CPEB4: variants seen among roughly 807,000 people sequenced by gnomAD.
The protein encoded by CPEB4 is cytoplasmic polyadenylation element binding protein 4.
Under a neutral mutation model 72.5 loss-of-function variants are expected in CPEB4, and 12 were observed. That is an observed-to-expected ratio of 0.17 (90% CI 0.11 to 0.27). The LOEUF (loss-of-function observed/expected upper bound fraction) is 0.27. Ranked by LOEUF, CPEB4 falls within the 10% of genes least tolerant of loss-of-function variation. CPEB4 has a pLI of 1.00. For missense variants in CPEB4, 614 were observed against 908.5 expected (o/e 0.68, Z 4.17); for synonymous variants, 302 against 326.3 (o/e 0.93, Z 0.80).
intron 2 of CPEB4, 115 bp from the exon 3 acceptor site, chr5:173,932,335 C>G (rs1034483821): frequency 6.0e-6 from 4 of 667,542 alleles, no homozygotes; most frequent in Non-Finnish European, 7.6e-6. Flanking sequence ...TTGATATATC[C>G]TCTGATTCAA....
At chr5:173,951,450 C>T (rs546950380) in intron 7 of CPEB4, among the ~76,000 whole-genome samples, 1 of 152,244 alleles carries the variant, frequency 6.6e-6, no homozygotes, top group East Asian at 1.9e-4. Context: ...TTCTTGTTTA[C>T]TTAGTATTGT....
intron 2 of CPEB4, among the ~76,000 whole-genome samples, chr5:173,924,300 T>A (rs1275522791): frequency 6.6e-6 from 1 of 152,240 alleles, no homozygotes; most frequent in Non-Finnish European, 1.5e-5. Flanking sequence ...AAAATTATTA[T>A]GTATCTTTGC....
rs1466318069 is a variant in CPEB4, at chr5:173,953,270, C to T, written c.1960C>T (p.Arg654Trp). The T allele has an allele frequency of 1.9e-6, 3 of 1,579,610 alleles. No individual in the cohort carries two copies. The highest frequency in any genetic ancestry group is 2.6e-6 in the Non-Finnish European group (3 of 1,160,798). ...GCTGCAGCATGGAGAGATAGATAAA[C>T]GGGTAAGCCTTATACTACATTTTGG... Reference protein sequence around the residue: ...VQLQHGEIDKRVEVKPYVLDD... With the variant: ...VQLQHGEIDKWVEVKPYVLDD... The change falls in exon 9 of 10, where the codon CGG becomes TGG. Residue 654 changes from arginine (R) to tryptophan (W), a missense_variant and splice_region_variant. Arg to Trp is a moderately radical substitution (Grantham distance 101). Transcript: ENST00000265085.
chr5:173,932,647 TA>T, intron 3 of CPEB4, 147 bp downstream of exon 3: 1 of 595,680 alleles, frequency 1.7e-6, no homozygotes, highest in Non-Finnish European at 2.8e-6. Context: ...ATGATTCTTT[TA>T]GCTCACAATT....
intron 1 of CPEB4, among the ~76,000 whole-genome samples, chr5:173,892,620 T>TCA (rs1755852211): frequency 6.6e-6 from 1 of 152,236 alleles, no homozygotes; most frequent in Non-Finnish European, 1.5e-5. Context: ...ACAGTGAATT[T>TCA]ATGTGGCCTC....
intron 2 of CPEB4, among the ~76,000 whole-genome samples, chr5:173,924,965 G>T (rs778709215): frequency 1.3e-5 from 2 of 152,200 alleles, no homozygotes; most frequent in South Asian, 4.1e-4. Flanking sequence ...AGTACAGAGG[G>T]TTATCTGAAT....
At chr5:173,945,265 GTCCTATCC>G in intron 5 of CPEB4, 125 bp downstream of exon 5, 1 of 752,906 alleles carries the variant, frequency 1.3e-6, no homozygotes, top group Non-Finnish European at 2.1e-6. Flanking sequence ...TTGTTCTCTT[GTCCTATCC>G]TCCTATCATG....
Position 173,888,418 on chromosome 5 carries a change from GC to G in CPEB4, c.-1315del. ...ACCCGGGCACCGGGAGGCGGTGGCG[GC>G]GGCGGCGGCGGCAGCAGCGGCGACA... On this transcript the variant is annotated 5_prime_UTR_variant, in exon 1 of 10. Transcript: ENST00000265085. The surrounding 1 kb of genome is among the most constrained non-coding windows in gnomAD (Gnocchi z 4.3). 1 of 459,448 alleles carries G rather than the reference GC, an allele frequency of 2.2e-6. No individual in the cohort carries two copies. Among genetic ancestry groups the G allele is most frequent in the African/African-American group, 2.0e-5 (1 of 49,208 alleles). The allele number at this position is 459,448 out of a possible 1,614,324, so 28.5% of individuals were successfully genotyped here. A position where few individuals can be genotyped will look rare whatever the true frequency, so the allele number is the denominator to read the frequency against.
intron 2 of CPEB4, among the ~76,000 whole-genome samples, chr5:173,931,655 G>A (rs566067515): frequency 3.9e-5 from 6 of 152,154 alleles, no homozygotes; most frequent in African/African-American, 1.4e-4. Flanking sequence ...TGTGTACTCA[G>A]TAAGGATTTG....
chr5:173,902,805 T>A (rs1561607590), intron 1 of CPEB4, among the ~76,000 whole-genome samples: 1 of 152,188 alleles, frequency 6.6e-6, no homozygotes. Context: ...GTTACTAATA[T>A]TTTCTGCTTA....
intron 2 of CPEB4, among the ~76,000 whole-genome samples, chr5:173,925,421 G>A (rs867128754): frequency 6.6e-6 from 1 of 152,284 alleles, no homozygotes; most frequent in South Asian, 2.1e-4. Context: ...GAAGTTGGTT[G>A]TAGCACAGAT....
intron 2 of CPEB4, among the ~76,000 whole-genome samples, chr5:173,912,715 C>T (rs1756706023): frequency 6.7e-6 from 1 of 149,082 alleles, no homozygotes; most frequent in Non-Finnish European, 1.5e-5. Context: ...TAGAGGATGG[C>T]TGGAGCCCAG....
At chr5:173,939,753 C>CTT (rs11292869) in intron 3 of CPEB4, among the ~76,000 whole-genome samples, 5 of 144,886 alleles carry the variant, frequency 3.5e-5, no homozygotes, top group Admixed American at 2.1e-4. Flanking sequence ...TATTTTGAGC[C>CTT]TTTTTTTTTT....
intron 1 of CPEB4, among the ~76,000 whole-genome samples, chr5:173,894,635 A>T (rs1006380569): frequency 9.9e-5 from 15 of 151,950 alleles, no homozygotes; most frequent in Non-Finnish European, 4.4e-5. Context: ...AAAAAAAAAA[A>T]AAAATCTAAC....
At chr5:173,951,283 T>G (rs72812850) in intron 7 of CPEB4, among the ~76,000 whole-genome samples, 33,725 of 152,070 alleles carry the variant, frequency 0.22, 4,947 homozygotes, top group Non-Finnish European at 0.3. Context: ...TTGATTGACT[T>G]ATCTAATGGA....
At chr5:173,895,700 G>A (rs1393496884) in intron 1 of CPEB4, among the ~76,000 whole-genome samples, 2 of 152,112 alleles carry the variant, frequency 1.3e-5, no homozygotes, top group Admixed American at 1.3e-4. Flanking sequence ...TGTAAATTGT[G>A]GGTCGGATGG....
chr5:173,924,888 C>A (rs1161151423), intron 2 of CPEB4, among the ~76,000 whole-genome samples: 1 of 152,118 alleles, frequency 6.6e-6, no homozygotes, highest in Admixed American at 6.5e-5. Flanking sequence ...GATCTCATTG[C>A]CCTACAGCAA....
In CPEB4 at chr5:173,957,898, C is replaced by T. The variant is rs574182508; in HGVS notation, c.*1761C>T. The T allele has an allele frequency of 1.3e-5, 2 of 152,848 alleles. No individual in the cohort carries two copies. Among genetic ancestry groups the T allele is most frequent in the Non-Finnish European group, 2.9e-5 (2 of 68,026 alleles). The allele number at this position is 152,848 out of a possible 1,614,324, so 9.5% of individuals were successfully genotyped here. A position where few individuals can be genotyped will look rare whatever the true frequency, so the allele number is the denominator to read the frequency against. On this transcript the variant is annotated 3_prime_UTR_variant, in exon 10 of 10. Coordinates refer to ENST00000265085, the MANE Select transcript of CPEB4 (RefSeq NM_030627.4). ...CCAAAGGTCAAAATGGAGGCATTTG[C>T]TGTCTAATATTCAAACATAGAAAGG... is the stretch of plus-strand genomic sequence containing the variant.
In CPEB4 at chr5:173,936,771, A is replaced by G. The variant is rs114119540; in HGVS notation, c.1258+4271A>G. ...CCAGCTTGAAACTTTATTTTACCTA[A>G]GAAACCACCACCACCTCTGTATAAA... On this transcript the variant is annotated intron_variant, in intron 3 of 9. Transcript: ENST00000265085. Among the ~76,000 whole-genome samples the G allele has an allele frequency of 5.9e-3, 890 of 151,912 alleles. 14 individuals are homozygous for G. The highest frequency in any genetic ancestry group is 0.02 in the African/African-American group (833 of 41,442).
Sources: allele counts gnomAD v4.1 joint callset (sites outside exome capture counted in the v4.1 genomes callset), GRCh38; gene constraint gnomAD v4.1.1; non-coding constraint Gnocchi (gnomAD v3.1); transcripts MANE v1.5; gene names NCBI Gene and HGNC (gene_info 2026-07-23, HGNC 2026-07-21).